COX6B2: variants seen among roughly 807,000 people sequenced by gnomAD.
COX6B2 encodes the protein COX VIb-2.
In COX6B2, 12 loss-of-function variants were observed where a neutral mutation model predicts 13.7. The ratio of observed to expected loss-of-function variants is 0.87; its 90% confidence interval spans 0.56 to 1.41. The LOEUF is 1.41. COX6B2 is among the 40% of genes most tolerant of loss of function. The probability of loss-of-function intolerance (pLI) is 0.00; values close to 1 mark genes in which losing one functional copy is unlikely to be tolerated. For synonymous variants in COX6B2, 56 were observed against 46.6 expected (o/e 1.20, Z -0.82); for missense variants, 130 against 118.3 (o/e 1.10, Z -0.46).
Position 55,354,500 on chromosome 19 carries a change from C to T in COX6B2, c.22G>A (p.Glu8Lys), listed in dbSNP as rs780160808. 125 of 1,612,674 alleles carry T rather than the reference C, an allele frequency of 7.8e-5. No individual in the cohort carries two copies. In the South Asian group the frequency reaches 1.1e-3, roughly 15 times the overall value. ...GTCGACCATTTCCCCTTGGGGGGCT[C>T]CTGGGCTTCCACATCCAACATCCAC... The part of the protein sequence containing the change: MLDVEAQ[E>K]PPKGKWSTPP... Residue 8 changes from glutamate to lysine, a missense_variant, in exon 2 of 5, where the codon GAG becomes AAG. Coordinates refer to ENST00000326529, the MANE Select transcript of COX6B2 (RefSeq NM_144613.5).
rs749917626 is a variant in COX6B2 at position 55,353,782 on chromosome 19, G to A, written c.214-8C>T. The A allele has an allele frequency of 1.1e-5, 18 of 1,607,276 alleles. No individual in the cohort carries two copies. Among genetic ancestry groups the A allele is most frequent in the Admixed American group, 3.4e-5 (2 of 59,032 alleles). Reference sequence around the variant, plus strand: ...CTCGTTCCAGCTCTCCACCTGGGAAGCAGAAAGGCAGGGAGCGGGACGCCG... The same window carrying A: ...CTCGTTCCAGCTCTCCACCTGGGAAACAGAAAGGCAGGGAGCGGGACGCCG... On this transcript the variant is annotated splice_polypyrimidine_tract_variant and splice_region_variant and intron_variant, in intron 3 of 4. Transcript: ENST00000326529.
rs537414842 is a variant in COX6B2 at position 55,353,548 on chromosome 19, A to G, written c.*114+59T>C. On this transcript the variant is annotated intron_variant, in intron 4 of 4. Coordinates refer to ENST00000326529, the MANE Select transcript of COX6B2 (RefSeq NM_144613.5). ...GGACACAGGCACACGGAGGATCCCC[A>G]CCACCACCACGACGCATCGCTGGCT... The G allele has an allele frequency of 1.2e-4, 82 of 664,724 alleles. No individual in the cohort carries two copies. In the African/African-American group the frequency reaches 1.4e-3, roughly 11 times the overall value. 41.2% of individuals were successfully genotyped at this position (664,724 alleles called of 1,614,324 possible). A position where few individuals can be genotyped will look rare whatever the true frequency, so the allele number is the denominator to read the frequency against.
Position 55,352,842 on chromosome 19 carries a change from G to A in COX6B2, c.*114+765C>T, listed in dbSNP as rs1441099848. The stretch of plus-strand genomic sequence containing the variant: ...GAATGATTCCGAGGGAGCTCTGAGC[G>A]TCCTCTGGGTGCTGGCAGTCTGGCG... On this transcript the variant is annotated intron_variant, in intron 4 of 4. Transcript: ENST00000326529. This position sits in a 1 kb window ranked among gnomAD's most constrained non-coding sequence, Gnocchi z 6.2. 6.6e-6 allele frequency: 1 copy of A among 152,372 alleles called. No individual in the cohort carries two copies. The highest frequency in any genetic ancestry group is 2.4e-5 in the African/African-American group (1 of 41,420). The allele number at this position is 152,372 out of a possible 1,614,324, so 9.4% of individuals were successfully genotyped here.
rs1019358706 is a variant in COX6B2 at position 55,350,869 on chromosome 19, C to T, written c.*115-69G>A. On this transcript the variant is annotated intron_variant, in intron 4 of 4. Coordinates refer to ENST00000326529, the MANE Select transcript of COX6B2 (RefSeq NM_144613.5). This position sits in a 1 kb window ranked among gnomAD's most constrained non-coding sequence, Gnocchi z 4.2. ...AACCAGCACTGACCTGGGTGTGTGG[C>T]ACTAGAACTGCTCTCAGCCTTTGGC... is the stretch of plus-strand genomic sequence containing the variant. 1.2e-4 allele frequency: 19 copies of T among 152,302 alleles called. No homozygotes were observed. Among genetic ancestry groups the T allele is most frequent in the Admixed American group, 1.2e-3 (18 of 15,292 alleles). The allele number at this position is 152,302 out of a possible 1,614,324, so 9.4% of individuals were successfully genotyped here. A position where few individuals can be genotyped will look rare whatever the true frequency, so the allele number is the denominator to read the frequency against.
intron 2 of COX6B2, 66 bp from the exon 3 acceptor site, chr19:55,354,032 C>T (rs1264176068): frequency 7.3e-7 from 1 of 1,360,980 alleles, no homozygotes; most frequent in African/African-American, 1.4e-5. Context: ...CCCTCCACTG[C>T]TCGGGCCCTC....
rs749659054 is a variant in COX6B2, at chr19:55,354,380, C to T, written c.112+30G>A. 16 of 1,547,890 alleles carry T rather than the reference C, an allele frequency of 1.0e-5. No homozygotes were observed. In the East Asian group the frequency reaches 3.4e-4, roughly 33 times the overall value. ...CTGCCGTCCCTTGTCACACCCTGCT[C>T]CTCCCATAACCTGGCTGAGCAGGTC... On this transcript the variant is annotated intron_variant, in intron 2 of 4. Coordinates refer to ENST00000326529, the MANE Select transcript of COX6B2 (RefSeq NM_144613.5).
Position 55,353,636 on chromosome 19 carries a change from A to G in COX6B2, c.*85T>C. 8.0e-7 allele frequency: 1 copy of G among 1,256,164 alleles called. No homozygotes were observed. Among genetic ancestry groups the G allele is most frequent in the Non-Finnish European group, 1.1e-6 (1 of 882,062 alleles). 77.8% of individuals were successfully genotyped at this position (1,256,164 alleles called of 1,614,324 possible). A position where few individuals can be genotyped will look rare whatever the true frequency, so the allele number is the denominator to read the frequency against. ...ATTCGTGGCTTAGACACTGGGAGGT[A>G]GGGGTGGATAACCGAGACCCGGGGC... On this transcript the variant is annotated 3_prime_UTR_variant, in exon 4 of 5. Coordinates refer to ENST00000326529, the MANE Select transcript of COX6B2 (RefSeq NM_144613.5).
Position 55,354,664 on chromosome 19 carries a change from C to T in COX6B2, c.-33G>A. 4.8e-6 allele frequency: 3 copies of T among 626,120 alleles called. No individual in the cohort carries two copies. Among genetic ancestry groups the T allele is most frequent in the Non-Finnish European group, 8.4e-6 (3 of 357,730 alleles). 38.8% of individuals were successfully genotyped at this position (626,120 alleles called of 1,614,324 possible). A position where few individuals can be genotyped will look rare whatever the true frequency, so the allele number is the denominator to read the frequency against. ...CGTGCCCTCACCAGCCTGACGTTGG[C>T]GGCCACTGGATCTGCTGTGGGATGG... is the stretch of plus-strand genomic sequence containing the variant. On this transcript the variant is annotated 5_prime_UTR_variant, in exon 1 of 5. Transcript: ENST00000326529.
In COX6B2 at chr19:55,354,452, G is replaced by C; in HGVS notation, c.70C>G (p.Pro24Ala). ...WSTPPFDPRF[P>A]SQNQIRNCYQ... ...CAGTTACGGATCTGGTTCTGGCTGGGGAAGCGCGGGTCGAAGGGCGGCGTC... is the reference window on the plus strand; with the variant it reads ...CAGTTACGGATCTGGTTCTGGCTGGCGAAGCGCGGGTCGAAGGGCGGCGTC... Residue 24 changes from proline to alanine, a missense_variant, in exon 2 of 5, where the codon CCC (proline) becomes GCC (alanine). Coordinates refer to ENST00000326529, the MANE Select transcript of COX6B2 (RefSeq NM_144613.5). The C allele has an allele frequency of 1.2e-6, 2 of 1,614,040 alleles. No homozygotes were observed. Among genetic ancestry groups the C allele is most frequent in the Non-Finnish European group, 1.7e-6 (2 of 1,179,974 alleles).
rs532445566 is a variant in COX6B2, at chr19:55,350,672, A to C, written c.*243T>G. Reference sequence around the variant, plus strand: ...AGCAGGGGCCTGGGGTCATGAGTTCACCAAGGTAGCTCAAGGACAGGAAGA... The same window carrying C: ...AGCAGGGGCCTGGGGTCATGAGTTCCCCAAGGTAGCTCAAGGACAGGAAGA... On this transcript the variant is annotated 3_prime_UTR_variant, in exon 5 of 5. Coordinates refer to ENST00000326529, the MANE Select transcript of COX6B2 (RefSeq NM_144613.5). The surrounding 1 kb of genome is among the most constrained non-coding windows in gnomAD (Gnocchi z 4.2). The C allele has an allele frequency of 6.6e-6, 1 of 152,378 alleles. No individual in the cohort carries two copies. The highest frequency in any genetic ancestry group is 1.5e-5 in the Non-Finnish European group (1 of 68,138). 9.4% of individuals were successfully genotyped at this position (152,378 alleles called of 1,614,324 possible). A position where few individuals can be genotyped will look rare whatever the true frequency, so the allele number is the denominator to read the frequency against.
At chr19:55,351,107 G>C (rs1235979205) in intron 4 of COX6B2, among the ~76,000 whole-genome samples, 4 of 152,210 alleles carry the variant, frequency 2.6e-5, no homozygotes, top group Non-Finnish European at 4.4e-5. Flanking sequence ...ATGCTGATTC[G>C]AGTGACTCAG....
intron 2 of COX6B2, 54 bp downstream of exon 2, chr19:55,354,356 T>C (rs1229327689): frequency 2.3e-6 from 3 of 1,309,696 alleles, no homozygotes; most frequent in Admixed American, 3.7e-5. Flanking sequence ...TGCCCCTCCC[T>C]GCCGTCCCTT....
chr19:55,354,191 C>G (rs2089691575), intron 2 of COX6B2: 2 of 630,960 alleles, frequency 3.2e-6, no homozygotes, highest in Admixed American at 2.6e-5. Flanking sequence ...CTTCACGACT[C>G]GGCCCCGCAC....
In COX6B2 at chr19:55,354,491, TG is replaced by T. The variant is rs1569026302; in HGVS notation, c.30del (p.Lys11ArgfsTer116). Reference sequence around the variant, plus strand: ...AAGGGCGGCGTCGACCATTTCCCCTTGGGGGGCTCCTGGGCTTCCACATCCA... The same window carrying T: ...AAGGGCGGCGTCGACCATTTCCCCTTGGGGGCTCCTGGGCTTCCACATCCA... MLDVEAQEP[P>X]KGKWSTPPFD... is the part of the protein sequence containing the mutation. On this transcript the variant is annotated frameshift_variant, in exon 2 of 5. Transcript: ENST00000326529. LOFTEE classifies it high-confidence loss of function. 14 of 1,613,522 alleles carry T rather than the reference TG, an allele frequency of 8.7e-6. No homozygotes were observed. Among genetic ancestry groups the T allele is most frequent in the Non-Finnish European group, 1.1e-5 (13 of 1,179,692 alleles).
At chr19:55,354,071 C>CAGGGGAGAGGGAGGCGGGA in intron 2 of COX6B2, 105 bp from the exon 3 acceptor site, 4 of 1,069,778 alleles carry the variant, frequency 3.7e-6, no homozygotes, top group Non-Finnish European at 5.5e-6. Flanking sequence ...GTCCCGCCTC[C>CAGGGGAGAGGGAGGCGGGA]CTCTCCCCTG....
rs1569026077 is a variant in COX6B2 at position 55,353,977 on chromosome 19, CG to C, written c.113-12del. On this transcript the variant is annotated splice_polypyrimidine_tract_variant and intron_variant, in intron 2 of 4. Transcript: ENST00000326529. ...GGCAGCGGTGGTAGTCTGTGGCGGGCGGGGGTCACGCGGCAAGCCACGCCCA... is the reference window on the plus strand; with the variant it reads ...GGCAGCGGTGGTAGTCTGTGGCGGGCGGGGTCACGCGGCAAGCCACGCCCA... 3 of 1,537,142 alleles carry C rather than the reference CG, an allele frequency of 2.0e-6. No homozygotes were observed. The highest frequency in any genetic ancestry group is 8.7e-7 in the Non-Finnish European group (1 of 1,146,262).
At position 55,354,486 on chromosome 19, in the gene COX6B2, C is replaced by T. The variant is rs1315789846; in HGVS notation, c.36G>A (p.Gly12=). 1.9e-6 allele frequency: 3 copies of T among 1,613,710 alleles called. No homozygotes were observed. Among genetic ancestry groups the T allele is most frequent in the East Asian group, 2.2e-5 (1 of 44,882 alleles). Residue 12 remains glycine, a synonymous_variant, in exon 2 of 5, where the codon GGG becomes GGA. Transcript: ENST00000326529. ...LDVEAQEPPK[G]KWSTPPFDPR... is the part of the protein sequence containing the mutation. Reference sequence around the variant, plus strand: ...GGTCGAAGGGCGGCGTCGACCATTTCCCCTTGGGGGGCTCCTGGGCTTCCA... The same window carrying T: ...GGTCGAAGGGCGGCGTCGACCATTTTCCCTTGGGGGGCTCCTGGGCTTCCA...
rs2089697186 is a variant in COX6B2, at chr19:55,354,660, T to C, written c.-29A>G. 1 of 633,488 alleles carries C rather than the reference T, an allele frequency of 1.6e-6. No individual in the cohort carries two copies. Among genetic ancestry groups the C allele is most frequent in the Non-Finnish European group, 2.7e-6 (1 of 365,436 alleles). 39.2% of individuals were successfully genotyped at this position (633,488 alleles called of 1,614,324 possible). A position where few individuals can be genotyped will look rare whatever the true frequency, so the allele number is the denominator to read the frequency against. ...CCGTCGTGCCCTCACCAGCCTGACG[T>C]TGGCGGCCACTGGATCTGCTGTGGG... On this transcript the variant is annotated 5_prime_UTR_variant, in exon 1 of 5. Transcript: ENST00000326529.
Position 55,353,951 on chromosome 19 carries a change from A to T in COX6B2, c.128T>A (p.Leu43His), listed in dbSNP as rs371151549. The T allele has an allele frequency of 4.5e-6, 7 of 1,552,198 alleles. No homozygotes were observed. In the African/African-American group the frequency reaches 6.8e-5, roughly 15 times the overall value. Residue 43 changes from leucine to histidine, a missense_variant, in exon 3 of 5, where the codon CTC (leucine) becomes CAC (histidine). Leu to His is a moderately conservative substitution (Grantham distance 99). Transcript: ENST00000326529. Reference sequence around the variant, plus strand: ...CTTCCCGCGGCGGGTCCTGGTCTTGAGGCAGCGGTGGTAGTCTGTGGCGGG... The same window carrying T: ...CTTCCCGCGGCGGGTCCTGGTCTTGTGGCAGCGGTGGTAGTCTGTGGCGGG... The part of the protein sequence containing the change: ...YQNFLDYHRC[L>H]KTRTRRGKST...
Sources: gnomAD v4.1 joint callset for allele counts (sites outside exome capture counted in the v4.1 genomes callset) on GRCh38, gnomAD v4.1.1 for gene constraint, Gnocchi (gnomAD v3.1) non-coding constraint, MANE v1.5 for transcripts, NCBI Gene and HGNC (gene_info 2026-07-23, HGNC 2026-07-21) for gene names.